The following TRPS1 variants were observed in gnomAD, a reference collection of about 807,000 sequenced individuals.
TRPS1 encodes transcriptional repressor GATA binding 1.
In TRPS1, 6 loss-of-function variants were observed where a neutral mutation model predicts 101.2. The ratio of observed to expected loss-of-function variants is 0.06; its 90% CI spans 0.03 to 0.12. The LOEUF is 0.12. TRPS1 is among the 10% of genes least tolerant of loss of function. The pLI, the probability that TRPS1 is intolerant of heterozygous loss-of-function variation, is 1.00. For missense variants in TRPS1, 1,363 were observed against 1,567.0 expected (o/e 0.87, Z 2.20); for synonymous variants, 578 against 589.8 (o/e 0.98, Z 0.29).
chr8:115,550,302 A>G (rs1282387582), intron 5 of TRPS1, among the ~76,000 whole-genome samples: 2 of 152,182 alleles, frequency 1.3e-5, no homozygotes, highest in African/African-American at 4.8e-5. Context: ...ATAACAAAAG[A>G]GGGGCAGCTG....
At chr8:115,635,732 T>A (rs1016519875) in intron 1 of TRPS1, among the ~76,000 whole-genome samples, 2 of 152,128 alleles carry the variant, frequency 1.3e-5, no homozygotes, top group Non-Finnish European at 2.9e-5. Flanking sequence ...GCAGGAGACC[T>A]GGGAAAGGCC....
intron 1 of TRPS1, among the ~76,000 whole-genome samples, chr8:115,626,736 T>A (rs776635213): frequency 1.3e-5 from 2 of 151,798 alleles, no homozygotes; most frequent in Non-Finnish European, 3.0e-5. Flanking sequence ...CCATTAATAG[T>A]CATCTGGACA....
rs1452872322 is a variant in TRPS1 at position 115,545,935 on chromosome 8, G to A, written c.2700+41066C>T. Among the ~76,000 whole-genome samples, 4 of 152,126 alleles carry A rather than the reference G, an allele frequency of 2.6e-5. No homozygotes were observed. The East Asian group carries it at 7.7e-4, about 29-fold the overall frequency. On this transcript the variant is annotated intron_variant, in intron 5 of 6. Coordinates refer to ENST00000395715, the MANE Select transcript of TRPS1 (RefSeq NM_014112.5). ...TAATTCTTTTATCTAAGATATCACA[G>A]AGTACAATAAAACTTGCAGATAACC...
At chr8:115,566,241 T>C (rs182100462) in intron 5 of TRPS1, among the ~76,000 whole-genome samples, 13 of 152,286 alleles carry the variant, frequency 8.5e-5, no homozygotes, top group African/African-American at 3.1e-4. Flanking sequence ...GTCTACAAGA[T>C]GGCCTTGATA....
At chr8:115,468,939 A>C (rs1814394752) in intron 5 of TRPS1, among the ~76,000 whole-genome samples, 1 of 152,050 alleles carries the variant, frequency 6.6e-6, no homozygotes, top group African/African-American at 2.4e-5. Flanking sequence ...CAGGAGTTTG[A>C]GACCAGTCTG....
intron 5 of TRPS1, among the ~76,000 whole-genome samples, chr8:115,450,294 A>G (rs964656664): frequency 2.6e-5 from 4 of 152,162 alleles, no homozygotes; most frequent in African/African-American, 9.7e-5. Flanking sequence ...ACCCAATGAG[A>G]TTAGACAGTC....
intron 5 of TRPS1, among the ~76,000 whole-genome samples, chr8:115,474,706 G>A (rs568206195): frequency 2.0e-5 from 3 of 151,980 alleles, no homozygotes; most frequent in Non-Finnish European, 4.4e-5. Context: ...AATTATTTCT[G>A]TTATTTACAC....
chr8:115,626,626 C>T (rs1818514707), intron 1 of TRPS1, among the ~76,000 whole-genome samples: 2 of 151,878 alleles, frequency 1.3e-5, no homozygotes, highest in South Asian at 4.1e-4. Context: ...TAAATGTCAA[C>T]ACCTTCAAAC....
At chr8:115,542,581 C>A (rs1816479528) in intron 5 of TRPS1, among the ~76,000 whole-genome samples, 1 of 152,018 alleles carries the variant, frequency 6.6e-6, no homozygotes, top group Non-Finnish European at 1.5e-5. Flanking sequence ...GGGAGAAGGT[C>A]TAATTTAGGG....
chr8:115,512,345 G>A (rs977741061), intron 5 of TRPS1, among the ~76,000 whole-genome samples: 30 of 151,454 alleles, frequency 2.0e-4, no homozygotes, highest in African/African-American at 6.8e-4. Flanking sequence ...GAAAATTTGC[G>A]GACTATAAAT....
At chr8:115,550,028 C>A (rs533948822) in intron 5 of TRPS1, among the ~76,000 whole-genome samples, 1 of 152,254 alleles carries the variant, frequency 6.6e-6, no homozygotes, top group South Asian at 2.1e-4. Flanking sequence ...CCAGCCTGAC[C>A]AACATGGCGA....
chr8:115,612,355 A>C (rs552146960), intron 3 of TRPS1, among the ~76,000 whole-genome samples: 1 of 152,278 alleles, frequency 6.6e-6, no homozygotes, highest in South Asian at 2.1e-4. Flanking sequence ...AAAAGAAATC[A>C]ATAAGGATTT....
At chr8:115,623,580 T>C in intron 2 of TRPS1, 21 bp downstream of exon 2, 1 of 1,611,624 alleles carries the variant, frequency 6.2e-7, no homozygotes. Context: ...ACATTTTCAC[T>C]TGAAAAAATA....
At chr8:115,616,304 A>G (rs1212008028) in intron 3 of TRPS1, among the ~76,000 whole-genome samples, 1 of 152,220 alleles carries the variant, frequency 6.6e-6, no homozygotes, top group African/African-American at 2.4e-5. Context: ...TATCAGCACA[A>G]GCATGTCTAA....
At chr8:115,435,490 T>C (rs1813425053) in intron 5 of TRPS1, among the ~76,000 whole-genome samples, 1 of 151,994 alleles carries the variant, frequency 6.6e-6, no homozygotes, top group Non-Finnish European at 1.5e-5. Flanking sequence ...TCCCACGAGG[T>C]CCTCAGGGAA....
chr8:115,623,798 G>T (rs933153305), intron 1 of TRPS1, 40 bp from the exon 2 acceptor site: 90 of 1,413,520 alleles, frequency 6.4e-5, no homozygotes, highest in Admixed American at 1.1e-4. Context: ...CTTCCTAAAT[G>T]ATGTAAACAT....
chr8:115,434,886 T>A (rs1008867430), intron 5 of TRPS1, among the ~76,000 whole-genome samples: 3 of 152,208 alleles, frequency 2.0e-5, no homozygotes, highest in Non-Finnish European at 2.9e-5. Context: ...AGTTTTATCC[T>A]TTAGGGATTT....
intron 1 of TRPS1, among the ~76,000 whole-genome samples, chr8:115,647,700 TAA>T (rs796413242): frequency 2.6e-5 from 4 of 152,336 alleles, no homozygotes; most frequent in South Asian, 4.1e-4. Flanking sequence ...ATGACTAACT[TAA>T]AGACTAATAA....
intron 5 of TRPS1, among the ~76,000 whole-genome samples, chr8:115,477,293 T>G (rs1015177518): frequency 1.3e-5 from 2 of 152,194 alleles, no homozygotes; most frequent in African/African-American, 4.8e-5. Flanking sequence ...AGAAATGTAT[T>G]TTTTCAGCAT....
Sources: allele counts gnomAD v4.1 joint callset (sites outside exome capture counted in the v4.1 genomes callset), GRCh38; gene constraint gnomAD v4.1.1; transcripts MANE v1.5; gene names NCBI Gene and HGNC (gene_info 2026-07-23, HGNC 2026-07-21).